The following PTPRC variants were observed in gnomAD, a reference collection of about 807,000 sequenced individuals.
PTPRC encodes the protein protein tyrosine phosphatase receptor type C, also known as receptor-type tyrosine-protein phosphatase C.
Under a neutral mutation model 155.9 loss-of-function variants are expected in PTPRC, and 44 were observed. The observed-to-expected ratio is 0.28, with a 90% confidence interval of 0.22 to 0.36. PTPRC has a LOEUF of 0.36. Among genes scored for constraint, PTPRC ranks in the 10% least tolerant of loss-of-function variants. The probability of loss-of-function intolerance (pLI) is 1.00; values close to 1 mark genes in which losing one functional copy is unlikely to be tolerated. For missense variants in PTPRC, 1,401 were observed against 1,564.6 expected (o/e 0.90, Z 1.76); for synonymous variants, 525 against 533.1 (o/e 0.98, Z 0.21).
chr1:198,659,617 C>G (rs193248599), intron 2 of PTPRC, among the ~76,000 whole-genome samples: 4 of 151,850 alleles, frequency 2.6e-5, no homozygotes, highest in Admixed American at 6.6e-5. Flanking sequence ...TCACTGCAAC[C>G]TACGCTTCCC....
intron 2 of PTPRC, among the ~76,000 whole-genome samples, chr1:198,660,860 C>T (rs1663922677): frequency 6.6e-6 from 1 of 152,134 alleles, no homozygotes; most frequent in African/African-American, 2.4e-5. Context: ...CACCCCAAAA[C>T]TGCCGCTCCT....
intron 3 of PTPRC, chr1:198,694,042 G>A: frequency 6.5e-7 from 1 of 1,548,950 alleles, no homozygotes; most frequent in Non-Finnish European, 8.7e-7. Context: ...GAGGAGCAAG[G>A]AAGCCAATCC....
chr1:198,725,681 C>T (rs1456787767), intron 15 of PTPRC, among the ~76,000 whole-genome samples: 1 of 152,024 alleles, frequency 6.6e-6, no homozygotes, highest in Non-Finnish European at 1.5e-5. Context: ...TCTTCTCCTC[C>T]CTGGTAGTAT....
At chr1:198,680,089 C>T (rs1665224964) in intron 2 of PTPRC, 5 of 429,004 alleles carry the variant, frequency 1.2e-5, no homozygotes, top group South Asian at 4.6e-5. Context: ...CTAGGCAAGG[C>T]GCAGGCGCAG....
chr1:198,682,500 G>C (rs2102335543), intron 2 of PTPRC, among the ~76,000 whole-genome samples: 1 of 152,204 alleles, frequency 6.6e-6, no homozygotes, highest in South Asian at 2.1e-4. Flanking sequence ...AAAGGGTTGT[G>C]GTTGGTGCTG....
At chr1:198,651,784 T>C (rs1323782741) in intron 2 of PTPRC, among the ~76,000 whole-genome samples, 1 of 151,830 alleles carries the variant, frequency 6.6e-6, no homozygotes, top group Non-Finnish European at 1.5e-5. Flanking sequence ...AAGGGAATAG[T>C]TCAATTTAAT....
At chr1:198,678,870 A>G (rs1431924731) in intron 2 of PTPRC, among the ~76,000 whole-genome samples, 4 of 150,060 alleles carry the variant, frequency 2.7e-5, no homozygotes, top group African/African-American at 7.4e-5. Flanking sequence ...CTATTTTCAT[A>G]TTAATTTGAT....
chr1:198,749,934 T>G (rs1156729191), intron 28 of PTPRC, among the ~76,000 whole-genome samples: 3 of 151,880 alleles, frequency 2.0e-5, no homozygotes, highest in Non-Finnish European at 2.9e-5. Context: ...TTCATTCAGA[T>G]AAACTGAATT....
At chr1:198,742,402 G>A in intron 25 of PTPRC, 35 bp downstream of exon 25, 1 of 1,609,504 alleles carries the variant, frequency 6.2e-7, no homozygotes, top group Non-Finnish European at 8.5e-7. Context: ...TTCTCACTTT[G>A]GTTTTTTGGA....
At chr1:198,720,046 G>A (rs1332804070) in intron 14 of PTPRC, among the ~76,000 whole-genome samples, 4 of 152,038 alleles carry the variant, frequency 2.6e-5, no homozygotes, top group African/African-American at 7.2e-5. Context: ...TGATGCCCTG[G>A]TGTGATTAGT....
chr1:198,692,269 A>G, intron 2 of PTPRC, 78 bp from the exon 3 acceptor site: 1 of 1,094,084 alleles, frequency 9.1e-7, no homozygotes, highest in Non-Finnish European at 1.3e-6. Context: ...TGAGGTACAT[A>G]TAAAAATCTA....
intron 2 of PTPRC, among the ~76,000 whole-genome samples, chr1:198,644,547 T>A (rs924959026): frequency 6.6e-6 from 1 of 151,802 alleles, no homozygotes; most frequent in African/African-American, 2.4e-5. Flanking sequence ...GCTACTTCAA[T>A]ATCAGTCTGT....
intron 30 of PTPRC, 93 bp from the exon 31 acceptor site, chr1:198,752,501 A>C: frequency 6.6e-7 from 1 of 1,515,188 alleles, no homozygotes; most frequent in Non-Finnish European, 9.1e-7. Flanking sequence ...AAAATTATTT[A>C]AATAGAAGTA....
At position 198,734,220 on chromosome 1, in the gene PTPRC, A is replaced by G; in HGVS notation, c.2167A>G (p.Ile723Val). ...GGGTTTCAAAGAACCCAGGAAATAC[A>G]TTGCTGCACAAGGTAATTTCTTTGA... ...IDGFKEPRKY[I>V]AAQGPRDETV... Residue 723 changes from isoleucine to valine, a missense_variant, in exon 21 of 33, where the codon ATT (isoleucine) becomes GTT (valine). Transcript: ENST00000442510. 1 of 1,610,922 alleles carries G rather than the reference A, an allele frequency of 6.2e-7. No homozygotes were observed. Among genetic ancestry groups the G allele is most frequent in the Non-Finnish European group, 8.5e-7 (1 of 1,177,936 alleles).
intron 2 of PTPRC, among the ~76,000 whole-genome samples, chr1:198,645,456 A>G (rs1662890696): frequency 6.6e-6 from 1 of 151,938 alleles, no homozygotes; most frequent in East Asian, 1.9e-4. Context: ...CTGTAGTGAT[A>G]AATATTTTGA....
rs769485758 is a variant in PTPRC at position 198,712,940 on chromosome 1, A to T, written c.1172-13A>T. 53 of 1,608,226 alleles carry T rather than the reference A, an allele frequency of 3.3e-5. No individual in the cohort carries two copies. Among genetic ancestry groups the T allele is most frequent in the Middle Eastern group, 1.6e-4 (1 of 6,072 alleles). On this transcript the variant is annotated splice_polypyrimidine_tract_variant and intron_variant, in intron 11 of 32. Coordinates refer to ENST00000442510, the MANE Select transcript of PTPRC (RefSeq NM_002838.5). ...ATTTTTCATATTACATAACATTCTT[A>T]TTCTTTTAACAGGTCCAGGAGAGCC...
chr1:198,707,822 ATGAG>A (rs991327126), intron 9 of PTPRC, among the ~76,000 whole-genome samples: 7 of 152,242 alleles, frequency 4.6e-5, no homozygotes, highest in Non-Finnish European at 8.8e-5. Flanking sequence ...ACAAAATGGA[ATGAG>A]TGTTTTTTAA....
intron 14 of PTPRC, among the ~76,000 whole-genome samples, chr1:198,719,855 C>T (rs1396765003): frequency 6.6e-6 from 1 of 152,178 alleles, no homozygotes; most frequent in African/African-American, 2.4e-5. Flanking sequence ...AAGTAATCCG[C>T]CTGCCTCAGC....
intron 2 of PTPRC, among the ~76,000 whole-genome samples, chr1:198,679,396 ATTTT>A (rs34684883): frequency 4.5e-4 from 50 of 109,960 alleles, no homozygotes; most frequent in African/African-American, 1.6e-3. Context: ...ACGCCCAGCT[ATTTT>A]TTTTTTTTTT....
Sources: gnomAD v4.1 joint callset for allele counts (sites outside exome capture counted in the v4.1 genomes callset) on GRCh38, gnomAD v4.1.1 for gene constraint, MANE v1.5 for transcripts, NCBI Gene and HGNC (gene_info 2026-07-23, HGNC 2026-07-21) for gene names.